TAL1: variants seen among roughly 807,000 people sequenced by gnomAD.
TAL1 encodes T-cell acute lymphocytic leukemia protein 1.
Under a neutral mutation model 17.9 loss-of-function variants are expected in TAL1, and 8 were observed. The observed-to-expected ratio is 0.45, with a 90% CI of 0.26 to 0.81. The LOEUF (loss-of-function observed/expected upper bound fraction) is 0.81. Ranked by LOEUF, TAL1 falls within the 30% of genes least tolerant of loss-of-function variation. TAL1 has a pLI of 0.17. For missense variants in TAL1, 466 were observed against 486.9 expected (o/e 0.96, Z 0.40); for synonymous variants, 223 against 218.6 (o/e 1.02, Z -0.18).
At chr1:47,218,818 C>T (rs555023883) in exon 4 of TAL1, 11 of 235,394 alleles carry the variant, frequency 4.7e-5, no homozygotes, top group Admixed American at 1.6e-4. Flanking sequence ...GATGGGGCTG[C>T]GCATCTACTC....
chr1:47,231,314 C>T (rs1228187831), upstream of TAL1: 1 of 153,556 alleles, frequency 6.5e-6, no homozygotes, highest in Non-Finnish European at 1.4e-5. Context: ...CCCCATGCCG[C>T]CGCCCCCACC....
intron 1 of TAL1, 39 bp from the exon 3 acceptor site, chr1:47,225,928 A>G: frequency 2.6e-6 from 4 of 1,560,640 alleles, no homozygotes; most frequent in Non-Finnish European, 3.4e-6. Flanking sequence ...GCCCGCTCTG[A>G]CGACCGCCCC....
intron 3 of TAL1, among the ~76,000 whole-genome samples, chr1:47,222,870 AT>A (rs2148588541): frequency 6.6e-6 from 1 of 152,186 alleles, no homozygotes; most frequent in East Asian, 1.9e-4. Context: ...ATTGTAGAAA[AT>A]GCCTCATCCC....
At chr1:47,219,586 G>A (rs986922417) in exon 4 of TAL1, 2 of 1,411,600 alleles carry the variant, frequency 1.4e-6, no homozygotes, top group African/African-American at 1.4e-5. Context: ...GCTTCCCAAA[G>A]TTCAGACATC....
chr1:47,225,608 C>T (rs1454314286), exon 2 of TAL1: 1 of 1,373,428 alleles, frequency 7.3e-7, no homozygotes, highest in East Asian at 3.1e-5. Context: ...GGGAGGTCTG[C>T]ACAGCTCGGT....
exon 4 of TAL1, chr1:47,219,971 C>T (rs1184766195): frequency 1.9e-6 from 3 of 1,585,418 alleles, no homozygotes; most frequent in Admixed American, 1.7e-5. Flanking sequence ...TGGGTGCCCT[C>T]CTCCTCCTGG....
chr1:47,225,338 C>T, intron 2 of TAL1, 105 bp downstream of exon 3: 1 of 1,072,372 alleles, frequency 9.3e-7, no homozygotes, highest in Non-Finnish European at 1.2e-6. Flanking sequence ...TCCACCCGCT[C>T]GGCCCCCAGG....
chr1:47,231,851 C>T (rs1228535505), upstream of TAL1: 7 of 233,686 alleles, frequency 3.0e-5, no homozygotes, highest in Non-Finnish European at 5.9e-5. Flanking sequence ...AACGCACTCT[C>T]ACAATCCCAC....
At chr1:47,228,142 G>T (rs7525145) in intron 1 of TAL1, 76,758 of 160,096 alleles carry the variant, frequency 0.48, 20,691 homozygotes, top group Middle Eastern at 0.64. Flanking sequence ...ATATCCCATC[G>T]CCAAGGTTCC....
At chr1:47,217,821 C>T (rs1645528957) in exon 4 of TAL1, 1 of 398,438 alleles carries the variant, frequency 2.5e-6, no homozygotes, top group Non-Finnish European at 4.4e-6. Context: ...GATCCTACAG[C>T]AATGACTCTA....
At chr1:47,223,589 G>C (rs552116884) in intron 3 of TAL1, 1 of 161,456 alleles carries the variant, frequency 6.2e-6, no homozygotes, top group African/African-American at 2.4e-5. Context: ...AGACTTGGGA[G>C]GAAGTGCAGG....
chr1:47,225,930 G>A (rs1643904058), intron 1 of TAL1, 41 bp from the exon 3 acceptor site: 1 of 1,548,300 alleles, frequency 6.5e-7, no homozygotes, highest in Non-Finnish European at 8.6e-7. Context: ...CCGCTCTGAC[G>A]ACCGCCCCTG....
upstream of TAL1, chr1:47,230,828 T>A (rs1643998595): frequency 6.6e-6 from 1 of 152,142 alleles, no homozygotes; most frequent in Non-Finnish European, 1.5e-5. Context: ...AGGGCCCCAC[T>A]AACCCGGTCC....
exon 4 of TAL1, chr1:47,219,967 CCCT>C (rs1475040885): frequency 1.5e-6 from 2 of 1,323,422 alleles, no homozygotes; most frequent in Non-Finnish European, 2.0e-6. Context: ...CCGCTGGGTG[CCCT>C]CCTCCTCCTG....
At chr1:47,220,909 A>C (rs1643783777) in intron 3 of TAL1, among the ~76,000 whole-genome samples, 1 of 152,222 alleles carries the variant, frequency 6.6e-6, no homozygotes, top group African/African-American at 2.4e-5. Flanking sequence ...TAATGAAAAG[A>C]AGCTCCATGT....
intron 3 of TAL1, 137 bp downstream of exon 4, chr1:47,223,867 G>A: frequency 1.2e-6 from 1 of 814,352 alleles, no homozygotes; most frequent in Non-Finnish European, 2.1e-6. Context: ...AGGGTGAAGG[G>A]CTTCGGCAGT....
chr1:47,218,797 G>A (rs968388524), exon 4 of TAL1: 1 of 234,060 alleles, frequency 4.3e-6, no homozygotes, highest in African/African-American at 2.2e-5. Context: ...AAGCATCCAG[G>A]AGAATGCACA....
exon 2 of TAL1, chr1:47,225,808 G>A (rs763968030): frequency 2.5e-6 from 4 of 1,574,156 alleles, no homozygotes; most frequent in East Asian, 2.4e-5. Flanking sequence ...GGTGCGGGGG[G>A]GCCATGCTGG....
chr1:47,219,900 CCCTCCCCCACCT>C, exon 4 of TAL1: 1 of 1,540,500 alleles, frequency 6.5e-7, no homozygotes, highest in Non-Finnish European at 8.7e-7. Flanking sequence ...GCGCGCCGCC[CCCTCCCCCACCT>C]CCACCCCCAC....
Sources: gnomAD v4.1 joint callset for allele counts (sites outside exome capture counted in the v4.1 genomes callset) on GRCh38, gnomAD v4.1.1 for gene constraint, MANE v1.5 for transcripts, NCBI Gene and HGNC (gene_info 2026-07-23, HGNC 2026-07-21) for gene names.